ASIC2: variants seen among roughly 807,000 people sequenced by gnomAD.
ASIC2 encodes the protein acid sensing ion channel subunit 2.
A neutral mutation model predicts 57.3 loss-of-function variants in ASIC2; 25 were observed. The observed-to-expected ratio is 0.44, with a 90% CI of 0.32 to 0.61. The LOEUF (loss-of-function observed/expected upper bound fraction) is 0.61, where lower values mean the gene tolerates loss of function less well. Among genes scored for constraint, ASIC2 ranks in the 20% least tolerant of loss-of-function variants. The probability of loss-of-function intolerance (pLI) is 0.06; values close to 1 mark genes in which losing one functional copy is unlikely to be tolerated. For missense variants in ASIC2, 641 were observed against 738.1 expected, an observed-to-expected ratio of 0.87 and a Z score of 1.52; for synonymous variants, 319 against 307.5, an observed-to-expected ratio of 1.04 and a Z score of -0.39.
intron 1 of ASIC2, among the ~76,000 whole-genome samples, chr17:33,264,078 A>G (rs1909377982): frequency 6.6e-6 from 1 of 152,222 alleles, no homozygotes; most frequent in African/African-American, 2.4e-5. Flanking sequence ...CCCACCTCAC[A>G]ACGTTATCGT....
chr17:33,279,652 C>T (rs576865309), intron 1 of ASIC2, among the ~76,000 whole-genome samples: 2 of 152,248 alleles, frequency 1.3e-5, no homozygotes, highest in South Asian at 2.1e-4. Context: ...CTTTGGGAGG[C>T]TGAGGTGGGA....
intron 1 of ASIC2, among the ~76,000 whole-genome samples, chr17:33,268,341 TCATC>T (rs35123270): frequency 0.55 from 81,557 of 147,086 alleles, 22,836 homozygotes; most frequent in Non-Finnish European, 0.6. Flanking sequence ...CATCTTTCCA[TCATC>T]CATCCATCCA....
intron 1 of ASIC2, among the ~76,000 whole-genome samples, chr17:33,996,871 T>C (rs772029844): frequency 6.6e-6 from 1 of 152,224 alleles, no homozygotes; most frequent in Non-Finnish European, 1.5e-5. Flanking sequence ...ATTTTAGGGT[T>C]GTTTGTTCTA....
Position 33,448,665 on chromosome 17 carries a change from C to A in ASIC2, c.556-336598G>T, listed in dbSNP as rs186948082. 5.4e-3 allele frequency among the ~76,000 whole-genome samples: 827 copies of A among 152,306 alleles called. 6 individuals are homozygous for A. The highest frequency in any genetic ancestry group is 8.4e-3 in the Non-Finnish European group (569 of 68,026). Reference sequence around the variant, plus strand: ...ATATGGTCCTGTGAGTCCTGTGACACCTTGACTTCACCCACTGAAACAGGC... The same window carrying A: ...ATATGGTCCTGTGAGTCCTGTGACAACTTGACTTCACCCACTGAAACAGGC... On this transcript the variant is annotated intron_variant, in intron 1 of 9. Coordinates refer to the ASIC2 transcript ENST00000359872.
intron 1 of ASIC2, among the ~76,000 whole-genome samples, chr17:34,136,534 C>A (rs1912131724): frequency 6.6e-6 from 1 of 152,216 alleles, no homozygotes; most frequent in African/African-American, 2.4e-5. Flanking sequence ...AAGCTTAATT[C>A]TTTCAATCAA....
At chr17:34,121,422 G>A (rs74722939) in intron 1 of ASIC2, among the ~76,000 whole-genome samples, 2,725 of 151,984 alleles carry the variant, frequency 0.018, 94 homozygotes, top group African/African-American at 0.062. Context: ...CCCCTCCCTC[G>A]TCTCTCCCAT....
intron 1 of ASIC2, among the ~76,000 whole-genome samples, chr17:33,675,599 G>T (rs572806678): frequency 2.0e-5 from 3 of 152,030 alleles, no homozygotes; most frequent in African/African-American, 7.3e-5. Flanking sequence ...ATTGATACAG[G>T]GTCTCTGGGT....
intron 1 of ASIC2, among the ~76,000 whole-genome samples, chr17:34,015,156 G>C (rs570080044): frequency 7.1e-6 from 1 of 141,534 alleles, no homozygotes; most frequent in African/African-American, 2.7e-5. Context: ...AGATCTATCT[G>C]CCTTGGCCTC....
At position 34,098,925 on chromosome 17, in the gene ASIC2, ATAC is replaced by A. The variant is rs1302737103; in HGVS notation, c.555+57050_555+57052del. ...TTTCCATACCGTGTGATGCCCCGTG[ATAC>A]TGTGTGATACATGCTCTGATGGCAG... On this transcript the variant is annotated intron_variant, in intron 1 of 9. Coordinates refer to the ASIC2 transcript ENST00000359872. Among the ~76,000 whole-genome samples the A allele has an allele frequency of 2.0e-5, 3 of 151,934 alleles. No homozygotes were observed. The East Asian group carries it at 5.8e-4, about 29-fold the overall frequency.
At chr17:33,767,407 T>G (rs1910966021) in intron 1 of ASIC2, among the ~76,000 whole-genome samples, 1 of 152,232 alleles carries the variant, frequency 6.6e-6, no homozygotes, top group Non-Finnish European at 1.5e-5. Context: ...TAAATGTGTT[T>G]GCGTATAAAT....
intron 1 of ASIC2, among the ~76,000 whole-genome samples, chr17:34,061,398 C>T (rs1186388562): frequency 6.6e-6 from 1 of 152,100 alleles, no homozygotes; most frequent in Non-Finnish European, 1.5e-5. Context: ...AGAATCTCTT[C>T]AAAGCATAAA....
intron 1 of ASIC2, among the ~76,000 whole-genome samples, chr17:33,455,334 G>A (rs1912410600): frequency 6.6e-6 from 1 of 152,090 alleles, no homozygotes; most frequent in African/African-American, 2.4e-5. Context: ...TTCAACCCTT[G>A]CACTCCTCCC....
intron 1 of ASIC2, among the ~76,000 whole-genome samples, chr17:33,661,492 C>T (rs1907264304): frequency 6.6e-6 from 1 of 152,166 alleles, no homozygotes; most frequent in Admixed American, 6.5e-5. Context: ...TTCCCCTGGC[C>T]AAGTCTAGTG....
At chr17:33,448,137 G>A (rs1037476757) in intron 1 of ASIC2, among the ~76,000 whole-genome samples, 2 of 151,940 alleles carry the variant, frequency 1.3e-5, no homozygotes, top group Non-Finnish European at 2.9e-5. Flanking sequence ...GGAGAAACCA[G>A]GCATTTGTCC....
intron 1 of ASIC2, among the ~76,000 whole-genome samples, chr17:34,145,737 C>T (rs17250896): frequency 0.16 from 24,594 of 152,222 alleles, 2,583 homozygotes; most frequent in East Asian, 0.35. Context: ...TCATGCTAAG[C>T]TGTCTGAGTT....
rs200198508 is a variant in ASIC2, at chr17:33,401,463, TC to T, written c.556-289397del. ...CCACCTGCTGGCTCCCCTCCTGCCC[TC>T]CTTTGTCTGTTTTCCACCCAGCCCC... On this transcript the variant is annotated intron_variant, in intron 1 of 9. Coordinates refer to the ASIC2 transcript ENST00000359872. Among the ~76,000 whole-genome samples, 988 of 152,224 alleles carry T rather than the reference TC, an allele frequency of 6.5e-3. 9 individuals carry two copies. The highest frequency in any genetic ancestry group is 0.022 in the African/African-American group (905 of 41,528).
At chr17:33,838,348 C>T (rs996383377) in intron 1 of ASIC2, among the ~76,000 whole-genome samples, 1 of 152,128 alleles carries the variant, frequency 6.6e-6, no homozygotes, top group African/African-American at 2.4e-5. Context: ...AGTATTGGTC[C>T]TGCTTGAGTG....
At chr17:33,869,357 C>T (rs1282011313) in intron 1 of ASIC2, among the ~76,000 whole-genome samples, 2 of 152,106 alleles carry the variant, frequency 1.3e-5, no homozygotes, top group South Asian at 2.1e-4. Flanking sequence ...CCTGGCAGTT[C>T]CTCAAAACTG....
At chr17:33,816,277 C>T (rs1912578594) in intron 1 of ASIC2, among the ~76,000 whole-genome samples, 1 of 151,838 alleles carries the variant, frequency 6.6e-6, no homozygotes, top group East Asian at 1.9e-4. Flanking sequence ...TCTTAATGTT[C>T]CAAAATGCGG....
Sources: allele counts gnomAD v4.1 joint callset (sites outside exome capture counted in the v4.1 genomes callset), GRCh38; gene constraint gnomAD v4.1.1; transcripts MANE v1.5; gene names NCBI Gene and HGNC (gene_info 2026-07-23, HGNC 2026-07-21).